The following EPHB1 variants were observed in gnomAD, a reference collection of about 807,000 sequenced individuals.
The protein encoded by EPHB1 is EPH receptor B1, also known as ephrin type-B receptor 1.
EPHB1 carries 30 observed loss-of-function variants against 94.4 expected under a neutral mutation model. That is an observed-to-expected ratio of 0.32 (90% CI 0.24 to 0.43). The LOEUF (loss-of-function observed/expected upper bound fraction) is 0.43, where lower values mean the gene tolerates loss of function less well. Among genes scored for constraint, EPHB1 ranks in the 20% least tolerant of loss-of-function variants. EPHB1 has a pLI of 1.00. For synonymous variants in EPHB1, 522 were observed against 489.1 expected, an observed-to-expected ratio of 1.07 and a Z score of -0.89; for missense variants, 1,055 against 1,308.3, an observed-to-expected ratio of 0.81 and a Z score of 2.99.
intron 11 of EPHB1, among the ~76,000 whole-genome samples, chr3:135,199,889 A>G (rs374612281): frequency 6.6e-6 from 1 of 152,250 alleles, no homozygotes; most frequent in Non-Finnish European, 1.5e-5. Context: ...GAGCATATGC[A>G]TGTGAGTGCA....
At chr3:134,816,888 G>A (rs1047744150) in intron 1 of EPHB1, among the ~76,000 whole-genome samples, 2 of 151,994 alleles carry the variant, frequency 1.3e-5, no homozygotes, top group Admixed American at 6.5e-5. Context: ...GCTTCCTGGG[G>A]CACTCACCCT....
Position 135,260,435 on chromosome 3 carries a change from A to G in EPHB1, c.*1315A>G, listed in dbSNP as rs1281752200. 8.9e-6 allele frequency: 2 copies of G among 224,330 alleles called. No individual in the cohort carries two copies. The highest frequency in any genetic ancestry group is 6.5e-5 in the East Asian group (1 of 15,466). The allele number at this position is 224,330 out of a possible 1,614,324, so 13.9% of individuals were successfully genotyped here. On this transcript the variant is annotated 3_prime_UTR_variant, in exon 16 of 16. Coordinates refer to ENST00000398015, the MANE Select transcript of EPHB1 (RefSeq NM_004441.5). Reference sequence around the variant, plus strand: ...TTGCTAATTTTATCTGTCTAATTAAAAAGAGCAGAAGCATGTCTGGGTTTA... The same window carrying G: ...TTGCTAATTTTATCTGTCTAATTAAGAAGAGCAGAAGCATGTCTGGGTTTA...
chr3:135,128,315 A>G (rs1356411407), intron 4 of EPHB1, among the ~76,000 whole-genome samples: 1 of 152,240 alleles, frequency 6.6e-6, no homozygotes, highest in Non-Finnish European at 1.5e-5. Context: ...CTGCAAGAGT[A>G]GGGCTCCAAG....
intron 1 of EPHB1, among the ~76,000 whole-genome samples, chr3:134,871,580 T>C (rs1158097784): frequency 4.6e-5 from 7 of 152,174 alleles, no homozygotes; most frequent in African/African-American, 1.7e-4. Flanking sequence ...ACTATCATTA[T>C]TATTGCCTTT....
chr3:134,969,514 G>A (rs536100390), intron 3 of EPHB1, among the ~76,000 whole-genome samples: 7 of 152,284 alleles, frequency 4.6e-5, no homozygotes, highest in African/African-American at 1.4e-4. Flanking sequence ...TCTTAGACAC[G>A]CTAGTTTCTG....
chr3:134,806,741 AT>A lies in EPHB1; in HGVS notation c.58+11053del, dbSNP rs146085924. Reference sequence around the variant, plus strand: ...CAACACTTAATAACAAATATTGTTAATCTCCTACTATGTACCAGGCAGTAGG... The same window carrying A: ...CAACACTTAATAACAAATATTGTTAACTCCTACTATGTACCAGGCAGTAGG... On this transcript the variant is annotated intron_variant, in intron 1 of 15. Transcript: ENST00000398015. Among the ~76,000 whole-genome samples, 3 of 152,350 alleles carry A rather than the reference AT, an allele frequency of 2.0e-5. No individual in the cohort carries two copies. In the East Asian group the frequency reaches 5.8e-4, roughly 29 times the overall value.
intron 4 of EPHB1, among the ~76,000 whole-genome samples, chr3:135,126,371 A>G (rs1940206825): frequency 1.3e-5 from 2 of 152,144 alleles, no homozygotes; most frequent in Non-Finnish European, 1.5e-5. Flanking sequence ...CTAAAGAGAG[A>G]AAGAAAAGAG....
intron 1 of EPHB1, among the ~76,000 whole-genome samples, chr3:134,860,558 T>C (rs1163965306): frequency 2.0e-5 from 3 of 152,170 alleles, no homozygotes; most frequent in African/African-American, 7.2e-5. Context: ...CTCACGCCTG[T>C]AATCCCAGCA....
intron 3 of EPHB1, among the ~76,000 whole-genome samples, chr3:135,061,469 G>GT (rs1190077281): frequency 6.8e-6 from 1 of 145,990 alleles, no homozygotes; most frequent in Non-Finnish European, 1.5e-5. Flanking sequence ...ACAATGTTTG[G>GT]TTTTCCATTC....
intron 3 of EPHB1, among the ~76,000 whole-genome samples, chr3:134,982,844 A>C (rs530159604): frequency 6.6e-6 from 1 of 152,030 alleles, no homozygotes; most frequent in Non-Finnish European, 1.5e-5. Context: ...GAATATAGCA[A>C]TTATGGCTAG....
At chr3:135,106,381 G>C in intron 3 of EPHB1, 67 bp from the exon 4 acceptor site, 1 of 1,572,788 alleles carries the variant, frequency 6.4e-7, no homozygotes, top group East Asian at 2.3e-5. Context: ...CTCCTTTTCC[G>C]GTTGTAGGGA....
intron 1 of EPHB1, among the ~76,000 whole-genome samples, chr3:134,924,112 T>C (rs1578200991): frequency 1.3e-5 from 2 of 152,188 alleles, no homozygotes; most frequent in African/African-American, 4.8e-5. Flanking sequence ...ATTGATCCAA[T>C]ACCTTCCACC....
At chr3:135,085,186 T>G (rs1341801227) in intron 3 of EPHB1, among the ~76,000 whole-genome samples, 1 of 152,198 alleles carries the variant, frequency 6.6e-6, no homozygotes, top group African/African-American at 2.4e-5. Context: ...GGCTCACCTG[T>G]GTTCTCCAAT....
intron 1 of EPHB1, among the ~76,000 whole-genome samples, chr3:134,820,783 G>A (rs1200066783): frequency 1.3e-5 from 2 of 152,156 alleles, no homozygotes; most frequent in African/African-American, 2.4e-5. Flanking sequence ...TGCACCTGCT[G>A]TTCCCAATGC....
intron 9 of EPHB1, among the ~76,000 whole-genome samples, chr3:135,173,073 C>G (rs560842804): frequency 6.9e-6 from 1 of 145,382 alleles, no homozygotes; most frequent in Non-Finnish European, 1.5e-5. Context: ...CTCGCTCTGT[C>G]GCCCAGGCTG....
intron 12 of EPHB1, among the ~76,000 whole-genome samples, chr3:135,223,797 G>A (rs1943328589): frequency 6.6e-6 from 1 of 152,144 alleles, no homozygotes; most frequent in Non-Finnish European, 1.5e-5. Context: ...TCAAAAAATT[G>A]TTTGATGAAT....
intron 1 of EPHB1, among the ~76,000 whole-genome samples, chr3:134,874,460 A>G (rs1320585192): frequency 6.6e-6 from 1 of 152,240 alleles, no homozygotes; most frequent in African/African-American, 2.4e-5. Context: ...CATGATGTGC[A>G]CATGTATCCC....
intron 5 of EPHB1, among the ~76,000 whole-genome samples, chr3:135,141,183 G>T (rs1308377539): frequency 6.9e-6 from 1 of 144,364 alleles, no homozygotes; most frequent in Non-Finnish European, 1.5e-5. Context: ...TGATGGAAGA[G>T]CAAACGCTTT....
At chr3:134,871,139 C>G (rs2037490659) in intron 1 of EPHB1, among the ~76,000 whole-genome samples, 1 of 152,184 alleles carries the variant, frequency 6.6e-6, no homozygotes. Context: ...TACTTTGTCA[C>G]TAAAACAATA....
Sources: allele counts gnomAD v4.1 joint callset (sites outside exome capture counted in the v4.1 genomes callset), GRCh38; gene constraint gnomAD v4.1.1; transcripts MANE v1.5; gene names NCBI Gene and HGNC (gene_info 2026-07-23, HGNC 2026-07-21).